TMEM135: variants seen among roughly 807,000 people sequenced by gnomAD.
TMEM135 encodes the protein transmembrane protein 135, also known as peroxisomal membrane protein 52.
Under a neutral mutation model 60.3 loss-of-function variants are expected in TMEM135, and 30 were observed. That is an observed-to-expected ratio of 0.50 (90% confidence interval 0.37 to 0.68). The LOEUF (loss-of-function observed/expected upper bound fraction) is 0.68. Among genes scored for constraint, TMEM135 ranks in the 30% least tolerant of loss-of-function variants. TMEM135 has a pLI of 0.00. For missense variants in TMEM135, 468 were observed against 548.8 expected (o/e 0.85, Z 1.47); for synonymous variants, 190 against 186.7 (o/e 1.02, Z -0.14).
intron 7 of TMEM135, among the ~76,000 whole-genome samples, chr11:87,298,454 G>A (rs1942386098): frequency 6.6e-6 from 1 of 152,110 alleles, no homozygotes; most frequent in Admixed American, 6.5e-5. Context: ...CCAGTTTAAT[G>A]TGTCCTAATT....
At chr11:87,212,478 C>T (rs1033401450) in intron 5 of TMEM135, among the ~76,000 whole-genome samples, 1 of 152,064 alleles carries the variant, frequency 6.6e-6, no homozygotes, top group Non-Finnish European at 1.5e-5. Context: ...CAAAGGGTTG[C>T]AGATGAAAGG....
intron 5 of TMEM135, among the ~76,000 whole-genome samples, chr11:87,205,763 T>G (rs1940220301): frequency 6.6e-6 from 1 of 152,178 alleles, no homozygotes; most frequent in Non-Finnish European, 1.5e-5. Context: ...ATATAATATT[T>G]TAAGTTAAGT....
At chr11:87,061,327 T>G (rs1949945028) in intron 1 of TMEM135, among the ~76,000 whole-genome samples, 1 of 152,148 alleles carries the variant, frequency 6.6e-6, no homozygotes, top group South Asian at 2.1e-4. Context: ...CTATTGCCAT[T>G]TAGAAAGTAG....
At chr11:87,153,332 A>G (rs1938607366) in intron 4 of TMEM135, among the ~76,000 whole-genome samples, 1 of 152,168 alleles carries the variant, frequency 6.6e-6, no homozygotes, top group Admixed American at 6.5e-5. Flanking sequence ...GATCCTACCT[A>G]CAGGCTCTTG....
intron 5 of TMEM135, among the ~76,000 whole-genome samples, chr11:87,176,262 A>T (rs1186574217): frequency 6.6e-6 from 1 of 151,182 alleles, no homozygotes; most frequent in Non-Finnish European, 1.5e-5. Flanking sequence ...AGAGCCTGGC[A>T]CCTCCCTGCC....
intron 4 of TMEM135, among the ~76,000 whole-genome samples, chr11:87,144,709 A>AGTGT (rs4014711): frequency 0.012 from 1,829 of 147,074 alleles, 16 homozygotes; most frequent in East Asian, 0.039. Flanking sequence ...TGTGTGTGAA[A>AGTGT]GTGTGTGTGT....
intron 4 of TMEM135, among the ~76,000 whole-genome samples, chr11:87,102,696 A>ATATATATG (rs1478406685): frequency 2.4e-4 from 19 of 80,212 alleles, no homozygotes; most frequent in East Asian, 1.8e-3. Flanking sequence ...GTGTGTGTAT[A>ATATATATG]TATATATGTA....
At chr11:87,279,127 T>G (rs1352038568) in intron 6 of TMEM135, among the ~76,000 whole-genome samples, 1 of 152,162 alleles carries the variant, frequency 6.6e-6, no homozygotes, top group African/African-American at 2.4e-5. Context: ...CTAGTTCAGG[T>G]CATTTTTTTT....
At chr11:87,123,294 C>T (rs1937633821) in intron 4 of TMEM135, among the ~76,000 whole-genome samples, 2 of 152,086 alleles carry the variant, frequency 1.3e-5, no homozygotes, top group African/African-American at 4.8e-5. Flanking sequence ...GGGAAGAATC[C>T]TTTCCTTGCC....
At chr11:87,180,409 A>T (rs1001079767) in intron 5 of TMEM135, among the ~76,000 whole-genome samples, 2 of 151,902 alleles carry the variant, frequency 1.3e-5, no homozygotes, top group African/African-American at 4.8e-5. Context: ...AAAGTATATG[A>T]GTGTGTGTGG....
At chr11:87,273,860 T>G (rs537662313) in intron 6 of TMEM135, among the ~76,000 whole-genome samples, 2 of 152,302 alleles carry the variant, frequency 1.3e-5, no homozygotes, top group African/African-American at 4.8e-5. Flanking sequence ...CTAGGCTATT[T>G]GGGTCCTTAT....
At chr11:87,240,717 AT>A (rs1002356452) in intron 6 of TMEM135, among the ~76,000 whole-genome samples, 19 of 152,280 alleles carry the variant, frequency 1.2e-4, no homozygotes, top group African/African-American at 4.6e-4. Flanking sequence ...TATGGGGAAT[AT>A]TTGAGAGAAA....
intron 8 of TMEM135, among the ~76,000 whole-genome samples, chr11:87,305,258 G>T (rs532897747): frequency 6.6e-6 from 1 of 151,974 alleles, no homozygotes; most frequent in South Asian, 2.1e-4. Context: ...GCAATTTAAG[G>T]TTTCCAAAAG....
intron 5 of TMEM135, among the ~76,000 whole-genome samples, chr11:87,211,454 A>G (rs1363197193): frequency 6.6e-6 from 1 of 152,160 alleles, no homozygotes; most frequent in East Asian, 1.9e-4. Flanking sequence ...AGAATCAGGG[A>G]AAGAACATAG....
intron 2 of TMEM135, among the ~76,000 whole-genome samples, chr11:87,070,592 C>T (rs765096585): frequency 3.7e-4 from 56 of 151,988 alleles, no homozygotes; most frequent in Non-Finnish European, 6.2e-4. Flanking sequence ...GCCGAGACTG[C>T]ACCACTGCAC....
intron 1 of TMEM135, among the ~76,000 whole-genome samples, chr11:87,060,832 C>T (rs1241677495): frequency 2.0e-5 from 3 of 151,858 alleles, no homozygotes; most frequent in South Asian, 2.1e-4. Flanking sequence ...TTAGTAGAGA[C>T]GGGGTTTCAC....
At chr11:87,258,194 CTT>C (rs33923056) in intron 6 of TMEM135, among the ~76,000 whole-genome samples, 53,246 of 148,538 alleles carry the variant, frequency 0.36, 9,926 homozygotes, top group Non-Finnish European at 0.42. Context: ...GGGGAAAAGC[CTT>C]TTTTTTTTTC....
At chr11:87,165,801 A>G (rs986485121) in intron 5 of TMEM135, among the ~76,000 whole-genome samples, 3 of 150,130 alleles carry the variant, frequency 2.0e-5, no homozygotes, top group Admixed American at 6.7e-5. Context: ...TGAATCCAGG[A>G]GCTGTTTTTT....
chr11:87,186,590 A>C (rs79864839), intron 5 of TMEM135, among the ~76,000 whole-genome samples: 5,765 of 152,232 alleles, frequency 0.038, 341 homozygotes, highest in African/African-American at 0.13. Flanking sequence ...AATAAAGTTC[A>C]TCTTTTTTTG....
Sources: gnomAD v4.1 joint callset for allele counts (sites outside exome capture counted in the v4.1 genomes callset) on GRCh38, gnomAD v4.1.1 for gene constraint, MANE v1.5 for transcripts, NCBI Gene and HGNC (gene_info 2026-07-23, HGNC 2026-07-21) for gene names.